Variants in KDM5A observed in about 807,000 individuals in gnomAD.
KDM5A encodes lysine demethylase 5A, also known as lysine-specific demethylase 5A.
Under a neutral mutation model 193.5 loss-of-function variants are expected in KDM5A, and 42 were observed. The ratio of observed to expected loss-of-function variants is 0.22; its 90% CI spans 0.17 to 0.28. KDM5A has a LOEUF of 0.28. Ranked by LOEUF, KDM5A falls within the 10% of genes least tolerant of loss-of-function variation. The pLI is 1.00. For missense variants in KDM5A, 1,692 were observed against 2,055.1 expected (o/e 0.82, Z 3.42); for synonymous variants, 796 against 718.1 (o/e 1.11, Z -1.73).
chr12:380,583 G>A (rs2137493858), intron 3 of KDM5A, among the ~76,000 whole-genome samples: 1 of 152,036 alleles, frequency 6.6e-6, no homozygotes, highest in Middle Eastern at 3.4e-3. Context: ...TGGGTGTGGT[G>A]GCACACACCT....
At chr12:313,807 T>C (rs1943618276) in intron 19 of KDM5A, among the ~76,000 whole-genome samples, 1 of 152,214 alleles carries the variant, frequency 6.6e-6, no homozygotes, top group South Asian at 2.1e-4. Flanking sequence ...CAGTGATTAA[T>C]TCTGCCCAGG....
At chr12:366,569 G>T (rs924650008) in intron 3 of KDM5A, among the ~76,000 whole-genome samples, 2 of 152,070 alleles carry the variant, frequency 1.3e-5, no homozygotes, top group African/African-American at 2.4e-5. Context: ...GAATACAGAG[G>T]ACAGTTGTGA....
rs1943204392 is a variant in KDM5A, at chr12:285,173, T to G, written c.*283A>C. 5.8e-6 allele frequency: 3 copies of G among 513,876 alleles called. No individual in the cohort carries two copies. The highest frequency in any genetic ancestry group is 7.1e-6 in the Non-Finnish European group (2 of 283,328). 31.8% of individuals were successfully genotyped at this position (513,876 alleles called of 1,614,324 possible). A position where few individuals can be genotyped will look rare whatever the true frequency, so the allele number is the denominator to read the frequency against. ...ATGTATTAATACTAACCAGCCACCC[T>G]AGAGCTCAATTAAGCATCTGGCCTT... On this transcript the variant is annotated 3_prime_UTR_variant, in exon 28 of 28. Transcript: ENST00000399788.
At chr12:322,093 C>T (rs1452063341) in intron 17 of KDM5A, among the ~76,000 whole-genome samples, 1 of 152,082 alleles carries the variant, frequency 6.6e-6, no homozygotes, top group African/African-American at 2.4e-5. Context: ...CATTTGAAAA[C>T]AAAGGCTTCA....
Position 318,306 on chromosome 12 carries a change from T to C in KDM5A, c.2697A>G (p.Gln899=), listed in dbSNP as rs900232443. ...PELPRLKQEL[Q]QARWLDEVRL... ...TTACTTCGTCCAACCACCGAGCCTGTTGTAGCTCTTGCTTCAGTCGTGGTA... is the reference window on the plus strand; with the variant it reads ...TTACTTCGTCCAACCACCGAGCCTGCTGTAGCTCTTGCTTCAGTCGTGGTA... The change falls in exon 19 of 28, where the codon CAA becomes CAG. Residue 899 remains glutamine, a synonymous_variant. Coordinates refer to ENST00000399788, the MANE Select transcript of KDM5A (RefSeq NM_001042603.3). The C allele has an allele frequency of 6.2e-6, 10 of 1,614,044 alleles. No individual in the cohort carries two copies. Among genetic ancestry groups the C allele is most frequent in the Admixed American group, 1.7e-5 (1 of 60,008 alleles).
chr12:296,041 G>A (rs888440591), intron 25 of KDM5A, among the ~76,000 whole-genome samples: 5 of 152,086 alleles, frequency 3.3e-5, no homozygotes, highest in South Asian at 2.1e-4. Context: ...TCTTCCAGCC[G>A]GGTGTGGCGG....
intron 24 of KDM5A, 58 bp from the exon 25 acceptor site, chr12:297,258 C>A: frequency 6.5e-7 from 1 of 1,532,830 alleles, no homozygotes; most frequent in Non-Finnish European, 9.0e-7. Context: ...TATTTTATGA[C>A]AAGGCCCAAA....
In KDM5A at chr12:340,522, T is replaced by C. The variant is rs138949938; in HGVS notation, c.1309-6100A>G. Among the ~76,000 whole-genome samples the C allele has an allele frequency of 9.0e-3, 1,361 of 151,986 alleles. 3 individuals are homozygous for C. Among genetic ancestry groups the C allele is most frequent in the Non-Finnish European group, 0.015 (1,031 of 67,954 alleles). ...CAGCCTGGCCAACATGGTGAAACCC[T>C]GTCTCTACTAAAAATACAAAAAATT... On this transcript the variant is annotated intron_variant, in intron 10 of 27. Transcript: ENST00000399788.
In KDM5A at chr12:353,671, C is replaced by T. The variant is rs565662555; in HGVS notation, c.1029+405G>A. Reference sequence around the variant, plus strand: ...GGCATGGTGGCTCAAGCCTGTAATCCCAGCACTCTGGGAAGCCGAGACAGG... The same window carrying T: ...GGCATGGTGGCTCAAGCCTGTAATCTCAGCACTCTGGGAAGCCGAGACAGG... On this transcript the variant is annotated intron_variant, in intron 8 of 27. Coordinates refer to ENST00000399788, the MANE Select transcript of KDM5A (RefSeq NM_001042603.3). Among the ~76,000 whole-genome samples the T allele has an allele frequency of 5.9e-5, 9 of 152,122 alleles. No individual in the cohort carries two copies. The East Asian group carries it at 1.7e-3, about 29-fold the overall frequency.
chr12:334,999 C>T (rs1464453086), intron 10 of KDM5A, among the ~76,000 whole-genome samples: 2 of 151,724 alleles, frequency 1.3e-5, no homozygotes, highest in African/African-American at 2.4e-5. Flanking sequence ...TACAAACACA[C>T]CTAGAAATAC....
At chr12:354,698 T>C (rs1591928521) in intron 7 of KDM5A, among the ~76,000 whole-genome samples, 1 of 151,360 alleles carries the variant, frequency 6.6e-6, no homozygotes, top group South Asian at 2.1e-4. Context: ...GCCCGAGAGG[T>C]GGAGCTTGCA....
intron 8 of KDM5A, 74 bp from the exon 9 acceptor site, chr12:352,398 A>C: frequency 1.5e-6 from 2 of 1,356,926 alleles, no homozygotes; most frequent in Non-Finnish European, 2.1e-6. Flanking sequence ...TTAGTTACTA[A>C]ATTCTTTGAT....
chr12:290,640 T>C (rs941115127), intron 27 of KDM5A, among the ~76,000 whole-genome samples: 2 of 152,170 alleles, frequency 1.3e-5, no homozygotes, highest in African/African-American at 2.4e-5. Flanking sequence ...AGTGCTTTCA[T>C]AGAGATTGTT....
At position 282,061 on chromosome 12, in the gene KDM5A, A is replaced by G; in HGVS notation, c.*3395T>C. The stretch of plus-strand genomic sequence containing the variant: ...TCAGCCTGCACAGAAGCGCAGAAGC[A>G]AAGCCCAGGCAGAACCATGCTAACC... On this transcript the variant is annotated 3_prime_UTR_variant, in exon 28 of 28. Coordinates refer to ENST00000399788, the MANE Select transcript of KDM5A (RefSeq NM_001042603.3). The G allele has an allele frequency of 3.0e-6, 1 of 333,162 alleles. No homozygotes were observed. The highest frequency in any genetic ancestry group is 9.2e-4 in the Middle Eastern group (1 of 1,092). The allele number at this position is 333,162 out of a possible 1,614,324, so 20.6% of individuals were successfully genotyped here. A position where few individuals can be genotyped will look rare whatever the true frequency, so the allele number is the denominator to read the frequency against.
intron 22 of KDM5A, 87 bp downstream of exon 22, chr12:309,716 T>G (rs769915125): frequency 7.1e-7 from 1 of 1,414,630 alleles, no homozygotes; most frequent in Admixed American, 1.7e-5. Flanking sequence ...AATAAAAAGT[T>G]AAAAACATAA....
chr12:312,788 T>A (rs1277851536), intron 20 of KDM5A, among the ~76,000 whole-genome samples: 1 of 152,226 alleles, frequency 6.6e-6, no homozygotes, highest in Non-Finnish European at 1.5e-5. Flanking sequence ...CTGGGAGCTG[T>A]GGCTCAGTGC....
Position 318,326 on chromosome 12 carries a change from G to A in KDM5A, c.2677C>T (p.Arg893Ter), listed in dbSNP as rs1267802668. 1.9e-6 allele frequency: 3 copies of A among 1,614,012 alleles called. No homozygotes were observed. Among genetic ancestry groups the A allele is most frequent in the African/African-American group, 1.3e-5 (1 of 74,892 alleles). The change falls in exon 19 of 28, where the codon CGA (arginine) becomes TGA (stop). Residue 893 changes from arginine to a stop codon, truncating the protein, a stop_gained. Coordinates refer to ENST00000399788, the MANE Select transcript of KDM5A (RefSeq NM_001042603.3). LOFTEE classifies it high-confidence loss of function. ...GCCTGTTGTAGCTCTTGCTTCAGTC[G>A]TGGTAATTCAGGGAGTTCCACATAG... ...SLYVELPELP[R>*]LKQELQQARW...
chr12:375,509 G>A (rs540849371), intron 3 of KDM5A, among the ~76,000 whole-genome samples: 27 of 152,174 alleles, frequency 1.8e-4, no homozygotes, highest in Admixed American at 1.4e-3. Flanking sequence ...GCTTCTTTGC[G>A]ATGGGTTCGA....
intron 9 of KDM5A, 102 bp downstream of exon 9, chr12:352,103 C>CAAAA (rs58266653): frequency 4.1e-4 from 155 of 378,648 alleles, no homozygotes; most frequent in African/African-American, 2.5e-3. Flanking sequence ...GACTCCGTCT[C>CAAAA]AAAAAAAAAA....
Sources: gnomAD v4.1 joint callset for allele counts (sites outside exome capture counted in the v4.1 genomes callset) on GRCh38, gnomAD v4.1.1 for gene constraint, MANE v1.5 for transcripts, NCBI Gene and HGNC (gene_info 2026-07-23, HGNC 2026-07-21) for gene names.